FAM120A: variants seen among roughly 807,000 people sequenced by gnomAD.
FAM120A encodes constitutive coactivator of PPAR-gamma-like protein 1.
FAM120A carries 15 observed loss-of-function variants against 109.7 expected under a neutral mutation model. That is an observed-to-expected ratio of 0.14 (90% CI 0.09 to 0.21). The LOEUF is 0.21. FAM120A is among the 10% of genes least tolerant of loss of function. The pLI is 1.00. For synonymous variants in FAM120A, 493 were observed against 572.8 expected, an observed-to-expected ratio of 0.86 and a Z score of 1.99; for missense variants, 899 against 1,439.3, an observed-to-expected ratio of 0.62 and a Z score of 6.07.
chr9:93,480,973 G>A (rs937905837), intron 3 of FAM120A, among the ~76,000 whole-genome samples: 3 of 152,230 alleles, frequency 2.0e-5, no homozygotes. Context: ...TACCCAGAGA[G>A]CTGAGCCTGC....
chr9:93,497,358 A>C, intron 3 of FAM120A, 113 bp from the exon 4 acceptor site: 1 of 1,324,536 alleles, frequency 7.5e-7, no homozygotes, highest in Non-Finnish European at 1.1e-6. Flanking sequence ...ATCATTGGGC[A>C]CTGATAAGAT....
chr9:93,473,418 A>G (rs748532800), intron 2 of FAM120A, among the ~76,000 whole-genome samples: 8 of 151,996 alleles, frequency 5.3e-5, no homozygotes, highest in South Asian at 2.1e-4. Context: ...TGATCCTCCC[A>G]TCTCAACTTC....
intron 8 of FAM120A, 106 bp from the exon 9 acceptor site, chr9:93,529,247 C>T (rs879863399): frequency 1.4e-5 from 14 of 1,020,802 alleles, no homozygotes; most frequent in South Asian, 1.2e-4. Context: ...CAGGACTCAT[C>T]TTTGTCCCCT....
chr9:93,523,100 A>G (rs886146853), intron 7 of FAM120A, among the ~76,000 whole-genome samples: 1 of 152,242 alleles, frequency 6.6e-6, no homozygotes, highest in African/African-American at 2.4e-5. Context: ...GGTAGCTATC[A>G]CTACTTTTTA....
chr9:93,518,134 G>A (rs1333684127), intron 7 of FAM120A, among the ~76,000 whole-genome samples: 1 of 152,170 alleles, frequency 6.6e-6, no homozygotes, highest in African/African-American at 2.4e-5. Context: ...TAATAAGGAA[G>A]AGACAGACAT....
intron 15 of FAM120A, among the ~76,000 whole-genome samples, chr9:93,559,364 C>A (rs2131568451): frequency 6.6e-6 from 1 of 152,340 alleles, no homozygotes; most frequent in Non-Finnish European, 1.5e-5. Flanking sequence ...TCTAAATCTG[C>A]CCATCAAGTC....
intron 7 of FAM120A, among the ~76,000 whole-genome samples, chr9:93,518,976 G>C (rs755709000): frequency 6.6e-6 from 1 of 151,876 alleles, no homozygotes; most frequent in Non-Finnish European, 1.5e-5. Context: ...ATTTTATATG[G>C]GGCCCAAGAC....
chr9:93,453,582 A>G (rs1857393709), intron 1 of FAM120A: 1 of 985,314 alleles, frequency 1.0e-6, no homozygotes, highest in African/African-American at 1.7e-5. Flanking sequence ...AGTTAAGCCT[A>G]AAATGATAGC....
At chr9:93,467,131 A>G (rs1858060832) in intron 1 of FAM120A, among the ~76,000 whole-genome samples, 1 of 152,034 alleles carries the variant, frequency 6.6e-6, no homozygotes. Flanking sequence ...TGTGATGTAC[A>G]ATTGTATGAG....
rs1250040023 is a variant in FAM120A, at chr9:93,559,997, C to T, written c.2807-1112C>T. ...TGGGAAGCAGACTAAAATAGCTAATCAATTTTTTATCTTGGGCCAGGCACA... is the reference window on the plus strand; with the variant it reads ...TGGGAAGCAGACTAAAATAGCTAATTAATTTTTTATCTTGGGCCAGGCACA... On this transcript the variant is annotated intron_variant, in intron 15 of 17. Transcript: ENST00000277165. Among the ~76,000 whole-genome samples, 4 of 152,136 alleles carry T rather than the reference C, an allele frequency of 2.6e-5. No homozygotes were observed. The East Asian group carries it at 7.7e-4, about 29-fold the overall frequency.
In FAM120A at chr9:93,452,406, G is replaced by C. The variant is rs748960781; in HGVS notation, c.474+17G>C. 9.4e-6 allele frequency: 15 copies of C among 1,590,704 alleles called. No homozygotes were observed. The South Asian group carries it at 1.5e-4, about 16-fold the overall frequency. On this transcript the variant is annotated intron_variant, in intron 1 of 17. Transcript: ENST00000277165. The surrounding 1 kb of genome is among the most constrained non-coding windows in gnomAD (Gnocchi z 7.0). ...CACGTCAAGGTGAGGCCGGGGATCC[G>C]GGCGGGCCGGGGACCGGGGCCGCGC...
intron 1 of FAM120A, among the ~76,000 whole-genome samples, chr9:93,462,998 A>G (rs918037038): frequency 5.3e-5 from 8 of 152,154 alleles, no homozygotes; most frequent in African/African-American, 1.9e-4. Flanking sequence ...ACATGAATGT[A>G]CCGACATCTC....
At chr9:93,497,676 A>G in intron 4 of FAM120A, 77 bp downstream of exon 4, 1 of 1,496,304 alleles carries the variant, frequency 6.7e-7, no homozygotes. Context: ...CCAGGTTTGG[A>G]AGAAGGGGAC....
Position 93,528,059 on chromosome 9 carries a change from T to C in FAM120A, c.1506+817T>C, listed in dbSNP as rs1029079931. 9.2e-5 allele frequency among the ~76,000 whole-genome samples: 14 copies of C among 152,220 alleles called. 1 individual carries two copies. The highest frequency in any genetic ancestry group is 1.8e-4 in the Non-Finnish European group (12 of 68,030). On this transcript the variant is annotated intron_variant, in intron 8 of 17. Transcript: ENST00000277165. ...CCTGCCTGAAGGTTTTGGTGGTTAATATGCAGGGTTGCCTGAATATCAGAC... is the reference window on the plus strand; with the variant it reads ...CCTGCCTGAAGGTTTTGGTGGTTAACATGCAGGGTTGCCTGAATATCAGAC...
In FAM120A at chr9:93,452,950, C is replaced by T; in HGVS notation, c.474+561C>T. On this transcript the variant is annotated intron_variant, in intron 1 of 17. Transcript: ENST00000277165. The surrounding 1 kb of genome is among the most constrained non-coding windows in gnomAD (Gnocchi z 7.0). ...TGTCTAAGGGCCAGTGCCCTGGCCT[C>T]TACTTCAGAACGCAGTGCCCTGTCC... is the stretch of plus-strand genomic sequence containing the variant. The T allele has an allele frequency of 2.2e-6, 3 of 1,390,346 alleles. No individual in the cohort carries two copies. The South Asian group carries it at 4.8e-5, about 22-fold the overall frequency. The allele number at this position is 1,390,346 out of a possible 1,614,324, so 86.1% of individuals were successfully genotyped here. A position where few individuals can be genotyped will look rare whatever the true frequency, so the allele number is the denominator to read the frequency against.
intron 5 of FAM120A, among the ~76,000 whole-genome samples, chr9:93,507,890 A>G (rs1347442926): frequency 6.6e-6 from 1 of 152,170 alleles, no homozygotes; most frequent in Non-Finnish European, 1.5e-5. Context: ...AGAGGATAGG[A>G]TGGGTGGCAA....
intron 15 of FAM120A, among the ~76,000 whole-genome samples, chr9:93,560,236 G>A (rs1301462459): frequency 6.6e-6 from 1 of 152,086 alleles, no homozygotes; most frequent in Non-Finnish European, 1.5e-5. Flanking sequence ...CAAGGCTGCA[G>A]TGAGCCGTGA....
At chr9:93,552,655 A>G (rs1862140452) in intron 12 of FAM120A, among the ~76,000 whole-genome samples, 1 of 152,244 alleles carries the variant, frequency 6.6e-6, no homozygotes, top group Non-Finnish European at 1.5e-5. Flanking sequence ...AAATGCTACA[A>G]AAATTCCTAT....
chr9:93,562,393 C>A, intron 17 of FAM120A, 89 bp downstream of exon 17: 1 of 949,302 alleles, frequency 1.1e-6, no homozygotes, highest in Non-Finnish European at 1.7e-6. Flanking sequence ...TGCGCTCAGA[C>A]AGAAGAGCTG....
Sources: allele counts gnomAD v4.1 joint callset (sites outside exome capture counted in the v4.1 genomes callset), GRCh38; gene constraint gnomAD v4.1.1; non-coding constraint Gnocchi (gnomAD v3.1); transcripts MANE v1.5; gene names NCBI Gene and HGNC (gene_info 2026-07-23, HGNC 2026-07-21).